EVPL: variants seen among roughly 807,000 people sequenced by gnomAD.
EVPL encodes the protein envoplakin, also known as 210 kDa cornified envelope precursor protein.
Under a neutral mutation model 129.7 loss-of-function variants are expected in EVPL, and 94 were observed. The ratio of observed to expected loss-of-function variants is 0.72; its 90% CI spans 0.61 to 0.86. The LOEUF (loss-of-function observed/expected upper bound fraction) is 0.86, where lower values mean the gene tolerates loss of function less well. Ranked by LOEUF, EVPL falls within the 40% of genes least tolerant of loss-of-function variation. The probability of loss-of-function intolerance (pLI) is 0.00; values close to 1 mark genes in which losing one functional copy is unlikely to be tolerated. For missense variants in EVPL, 2,625 were observed against 2,721.1 expected (o/e 0.96, Z 0.79); for synonymous variants, 1,172 against 1,191.1 (o/e 0.98, Z 0.33).
chr17:76,018,561 T>C lies in EVPL; in HGVS notation c.1324A>G (p.Asn442Asp). The change falls in exon 12 of 22, where the codon AAC becomes GAC. Residue 442 changes from asparagine (N) to aspartate (D), a missense_variant. Asn to Asp is a conservative substitution (Grantham distance 23). Around this residue, in one of 4 missense-constraint regions of EVPL, gnomAD observed 1,024 missense variants for 997.5 expected, o/e 1.03. Transcript: ENST00000301607. ...LQGERYKLVD[N>D]TDPHAWVVQG... The stretch of plus-strand genomic sequence containing the variant: ...ACGACCCAGGCGTGCGGGTCAGTGT[T>C]ATCTACCAGCTTATACCGCTCACCC... 1.2e-6 allele frequency: 2 copies of C among 1,612,080 alleles called. No individual in the cohort carries two copies. Among genetic ancestry groups the C allele is most frequent in the South Asian group, 1.1e-5 (1 of 90,976 alleles).
chr17:76,009,332 G>A lies in EVPL; in HGVS notation c.3873C>T (p.Leu1291=), dbSNP rs1349693229. Residue 1291 remains leucine, a synonymous_variant, in exon 22 of 22, where the codon CTC becomes CTT. Coordinates refer to ENST00000301607, the MANE Select transcript of EVPL (RefSeq NM_001988.4). The surrounding 1 kb of genome is among the most constrained non-coding windows in gnomAD (Gnocchi z 5.9). ...VNSHGRSQEQ[L]IRLQGERDEW... ...CGTCGCGCTCACCCTGCAGGCGGAT[G>A]AGCTGCTCCTGGGAGCGCCCGTGGC... The A allele has an allele frequency of 4.3e-6, 7 of 1,612,020 alleles. No homozygotes were observed. The African/African-American group carries it at 9.3e-5, about 22-fold the overall frequency.
rs747432574 is a variant in EVPL at position 76,007,805 on chromosome 17, C to T, written c.5400G>A (p.Pro1800=). Residue 1800 remains proline, a synonymous_variant, in exon 22 of 22, where the codon CCG becomes CCA. Transcript: ENST00000301607. The surrounding 1 kb of genome is among the most constrained non-coding windows in gnomAD (Gnocchi z 8.8). ...TGCTCTGGGGGGCCGGGGAGGCGAG[C>T]GGGGACTTGGAGATGATAGAGCCGA... is the stretch of plus-strand genomic sequence containing the variant. The part of the protein sequence containing the change: ...LSIGSIISKS[P]LASPAPQSTS... 1.1e-5 allele frequency: 18 copies of T among 1,610,770 alleles called. No individual in the cohort carries two copies. The highest frequency in any genetic ancestry group is 3.3e-5 in the Admixed American group (2 of 59,934).
In EVPL at chr17:76,015,571, A is replaced by G. The variant is rs2066414026; in HGVS notation, c.1768T>C (p.Cys590Arg). ...GGCCGCGTGGACAGAAACGCCTCGC[A>G]CTCCTTCTGGGCTGTCTCCTTCTCC... The part of the protein sequence containing the change: ...GTEKETAQKE[C>R]EAFLSTRPVG... The change falls in exon 15 of 22, where the codon TGC (cysteine) becomes CGC (arginine). Residue 590 changes from cysteine (C) to arginine (R), a missense_variant. By Grantham distance (180) the Cys-to-Arg change is radical. Around this residue, in one of 4 missense-constraint regions of EVPL, gnomAD observed 1,024 missense variants for 997.5 expected, o/e 1.03. Coordinates refer to ENST00000301607, the MANE Select transcript of EVPL (RefSeq NM_001988.4). The G allele has an allele frequency of 1.2e-6, 2 of 1,613,130 alleles. No homozygotes were observed. Among genetic ancestry groups the G allele is most frequent in the Non-Finnish European group, 1.7e-6 (2 of 1,179,996 alleles).
Position 76,022,383 on chromosome 17 carries a change from C to G in EVPL, c.606+30G>C, listed in dbSNP as rs2066467834. ...CTGGAGAAACGGGCTGGGGCTGGCC[C>G]CGGATGTGACATCCTCCAGGCTCAC... On this transcript the variant is annotated intron_variant, in intron 5 of 21. Transcript: ENST00000301607. The surrounding 1 kb of genome is among the most constrained non-coding windows in gnomAD (Gnocchi z 5.6). 1.2e-6 allele frequency: 2 copies of G among 1,612,956 alleles called. No homozygotes were observed. The highest frequency in any genetic ancestry group is 1.7e-6 in the Non-Finnish European group (2 of 1,179,734).
In EVPL at chr17:76,024,911, G is replaced by A. The variant is rs1284852537; in HGVS notation, c.99-791C>T. Among the ~76,000 whole-genome samples the A allele has an allele frequency of 1.3e-5, 2 of 152,200 alleles. No individual in the cohort carries two copies. Among genetic ancestry groups the A allele is most frequent in the African/African-American group, 4.8e-5 (2 of 41,466 alleles). ...CAAGGTCAAGCAGACCTAAAAGAGGGCAGATTGGTCCAAGCCTTATGAGCA... is the reference window on the plus strand; with the variant it reads ...CAAGGTCAAGCAGACCTAAAAGAGGACAGATTGGTCCAAGCCTTATGAGCA... On this transcript the variant is annotated intron_variant, in intron 1 of 21. Coordinates refer to ENST00000301607, the MANE Select transcript of EVPL (RefSeq NM_001988.4). This position sits in a 1 kb window ranked among gnomAD's most constrained non-coding sequence, Gnocchi z 4.5.
chr17:76,023,873 T>C (rs2066481153), intron 2 of EVPL, 148 bp downstream of exon 2: 2 of 1,216,430 alleles, frequency 1.6e-6, no homozygotes, highest in African/African-American at 1.5e-5. Flanking sequence ...TCTCCCACCG[T>C]GTGTTAGGGG....
intron 2 of EVPL, 78 bp from the exon 3 acceptor site, chr17:76,023,732 C>T: frequency 2.1e-6 from 3 of 1,456,602 alleles, no homozygotes; most frequent in Non-Finnish European, 2.7e-6. Context: ...GGGCCTGAGC[C>T]CCAACTTTGG....
At chr17:76,020,697 T>G (rs1400619067) in intron 9 of EVPL, among the ~76,000 whole-genome samples, 1 of 150,360 alleles carries the variant, frequency 6.7e-6, no homozygotes, top group East Asian at 1.9e-4. Context: ...CCCATAAAAT[T>G]TTATTTATTT....
chr17:76,017,022 G>T (rs999240401), intron 14 of EVPL, among the ~76,000 whole-genome samples: 2 of 152,148 alleles, frequency 1.3e-5, no homozygotes, highest in African/African-American at 2.4e-5. Flanking sequence ...ACATCAGCCT[G>T]GCCAACATGG....
chr17:76,013,197 T>C lies in EVPL; in HGVS notation c.2374-1108A>G, dbSNP rs1367693301. On this transcript the variant is annotated intron_variant, in intron 18 of 21. Transcript: ENST00000301607. The surrounding 1 kb of genome is among the most constrained non-coding windows in gnomAD (Gnocchi z 4.3). Reference sequence around the variant, plus strand: ...GCTCTGACCACAATAATCCAACTTATTTGGTCTGGGGAGGGGTCCTGGCCT... The same window carrying C: ...GCTCTGACCACAATAATCCAACTTACTTGGTCTGGGGAGGGGTCCTGGCCT... Among the ~76,000 whole-genome samples the C allele has an allele frequency of 1.3e-5, 2 of 152,184 alleles. No homozygotes were observed. The highest frequency in any genetic ancestry group is 6.5e-5 in the Admixed American group (1 of 15,282).
chr17:76,010,376 C>T lies in EVPL; in HGVS notation c.2829G>A (p.Leu943=), dbSNP rs1458097535. The T allele has an allele frequency of 6.2e-7, 1 of 1,614,024 alleles. No homozygotes were observed. The change falls in exon 22 of 22, where the codon CTG becomes CTA. Residue 943 remains leucine, a synonymous_variant. Transcript: ENST00000301607. ...CCAAGGGCCGCTGGGTCCTCAGCTG[C>T]AGCAGTTGGCTCCTCTGCGCCTCCA... is the stretch of plus-strand genomic sequence containing the variant. ...HELEAQRSQL[L]QLRTQRPLER... is the part of the protein sequence containing the mutation.
chr17:76,011,735 G>A, intron 20 of EVPL, 37 bp downstream of exon 20: 1 of 1,609,704 alleles, frequency 6.2e-7, no homozygotes, highest in South Asian at 1.1e-5. Context: ...CAGAGCTGGT[G>A]TCAAGGTCCA....
Position 76,017,911 on chromosome 17 carries a change from G to A in EVPL, c.1538C>T (p.Ala513Val). The change falls in exon 14 of 22, where the codon GCT becomes GTT. Residue 513 changes from alanine to valine, a missense_variant and splice_region_variant. Physicochemically the swap from Ala to Val is moderately conservative, Grantham distance 64. This residue lies in a region of EVPL where 1,024 missense variants were observed against 997.5 expected (regional missense o/e 1.03). Transcript: ENST00000301607. ...GTTGGCCAGGTCTGAGCCAGATGGA[G>A]CTGGGGGCAGAGGTGCTGGTGAGGG... ...AVESLRPSQQ[A>V]PSGSDLANPQ... is the part of the protein sequence containing the mutation. 1 of 1,614,014 alleles carries A rather than the reference G, an allele frequency of 6.2e-7. No individual in the cohort carries two copies. The highest frequency in any genetic ancestry group is 8.5e-7 in the Non-Finnish European group (1 of 1,180,016).
In EVPL at chr17:76,018,238, G is replaced by A. The variant is rs1430263413; in HGVS notation, c.1460C>T (p.Ala487Val). The part of the protein sequence containing the change: ...RASRLASELQ[A>V]LKQKLATVQS... The stretch of plus-strand genomic sequence containing the variant: ...GACTGTGGCCAATTTCTGCTTCAGG[G>A]CCTGCAGCTCTGAGGCCAGCCTAGA... Residue 487 changes from alanine to valine, a missense_variant, in exon 13 of 22, where the codon GCC (alanine) becomes GTC (valine). Physicochemically the swap from Ala to Val is moderately conservative, Grantham distance 64. Transcript: ENST00000301607. The A allele has an allele frequency of 6.5e-7, 1 of 1,548,722 alleles. No individual in the cohort carries two copies. Among genetic ancestry groups the A allele is most frequent in the East Asian group, 2.4e-5 (1 of 40,874 alleles).
rs2066325613 is a variant in EVPL, at chr17:76,007,336, G to A, written c.5869C>T (p.Gln1957Ter). The A allele has an allele frequency of 6.4e-7, 1 of 1,569,138 alleles. No homozygotes were observed. The highest frequency in any genetic ancestry group is 1.4e-5 in the African/African-American group (1 of 73,716). The change falls in exon 22 of 22, where the codon CAG becomes TAG. Residue 1957 changes from glutamine (Q) to a stop codon, truncating the protein, a stop_gained. Transcript: ENST00000301607. LOFTEE classifies it low-confidence loss of function (END_TRUNC). This position sits in a 1 kb window ranked among gnomAD's most constrained non-coding sequence, Gnocchi z 8.8. ...CTGATCATCCCGGAGAGGAGGGCCT[G>A]CTGGATGGGGATGCGGCCTGTCCTC... ...PKRTGRIPIQ[Q>*]ALLSGMISEE...
In EVPL at chr17:76,022,061, G is replaced by C. The variant is rs777472397; in HGVS notation, c.646-33C>G. ...CAGGACCCGCCGCCAGCAGCAGGGT[G>C]GGGAGACAGAAAGTGGGGGGCAAAA... On this transcript the variant is annotated intron_variant, in intron 6 of 21. Coordinates refer to ENST00000301607, the MANE Select transcript of EVPL (RefSeq NM_001988.4). This position sits in a 1 kb window ranked among gnomAD's most constrained non-coding sequence, Gnocchi z 5.6. 5 of 1,558,600 alleles carry C rather than the reference G, an allele frequency of 3.2e-6. No individual in the cohort carries two copies. Among genetic ancestry groups the C allele is most frequent in the African/African-American group, 1.4e-5 (1 of 73,594 alleles).
chr17:76,011,428 C>T (rs2066375458), intron 21 of EVPL, 148 bp downstream of exon 21: 6 of 731,282 alleles, frequency 8.2e-6, no homozygotes, highest in Non-Finnish European at 1.4e-5. Flanking sequence ...CTCCCCTCTC[C>T]AGCAGCCAGA....
At chr17:76,025,839 G>A (rs1453358211) in intron 1 of EVPL, among the ~76,000 whole-genome samples, 5 of 152,154 alleles carry the variant, frequency 3.3e-5, no homozygotes, top group Non-Finnish European at 2.9e-5. Context: ...GAAGAACACC[G>A]CCCAATCCAT....
intron 2 of EVPL, 52 bp from the exon 3 acceptor site, chr17:76,023,706 T>C: frequency 6.7e-7 from 1 of 1,485,314 alleles, no homozygotes. Flanking sequence ...CCCACACCCC[T>C]GCTGCCCATC....
Sources: allele counts gnomAD v4.1 joint callset (sites outside exome capture counted in the v4.1 genomes callset), GRCh38; gene constraint gnomAD v4.1.1; regional missense constraint gnomAD v4.1.1; non-coding constraint Gnocchi (gnomAD v3.1); transcripts MANE v1.5; gene names NCBI Gene and HGNC (gene_info 2026-07-23, HGNC 2026-07-21).